RCAN2: variants seen among roughly 807,000 people sequenced by gnomAD.
The protein encoded by RCAN2 is calcipressin-2.
RCAN2 carries 9 observed loss-of-function variants against 23.6 expected under a neutral mutation model. The ratio of observed to expected loss-of-function variants is 0.38; its 90% CI spans 0.23 to 0.67. The LOEUF is 0.67. RCAN2 is among the 30% of genes least tolerant of loss of function. The probability of loss-of-function intolerance (pLI) is 0.51; values close to 1 mark genes in which losing one functional copy is unlikely to be tolerated. For synonymous variants in RCAN2, 109 were observed against 115.7 expected, an observed-to-expected ratio of 0.94 and a Z score of 0.37; for missense variants, 273 against 302.3, an observed-to-expected ratio of 0.90 and a Z score of 0.72.
At chr6:46,431,426 G>T (rs989624581) in intron 2 of RCAN2, among the ~76,000 whole-genome samples, 3 of 152,050 alleles carry the variant, frequency 2.0e-5, no homozygotes, top group Non-Finnish European at 2.9e-5. Context: ...ACATGGCAAG[G>T]TCATTATCTA....
chr6:46,350,174 CA>C (rs2150377724), intron 2 of RCAN2, among the ~76,000 whole-genome samples: 1 of 152,280 alleles, frequency 6.6e-6, no homozygotes, highest in South Asian at 2.1e-4. Flanking sequence ...CCAGCAACTA[CA>C]AAAAATTATG....
At chr6:46,361,396 T>TAAA (rs375271013) in intron 2 of RCAN2, among the ~76,000 whole-genome samples, 160 of 152,208 alleles carry the variant, frequency 1.1e-3, no homozygotes, top group African/African-American at 3.7e-3. Flanking sequence ...AGGGGAAAGG[T>TAAA]AAAACATTCA....
chr6:46,405,736 G>C (rs1213747000), intron 2 of RCAN2, among the ~76,000 whole-genome samples: 2 of 152,190 alleles, frequency 1.3e-5, no homozygotes, highest in African/African-American at 4.8e-5. Context: ...TGCAGGTGGA[G>C]CTGCCTGCCA....
chr6:46,321,202 C>A (rs1561857957), intron 2 of RCAN2, among the ~76,000 whole-genome samples: 1 of 152,216 alleles, frequency 6.6e-6, no homozygotes, highest in Non-Finnish European at 1.5e-5. Context: ...GGCCATTCCT[C>A]CCCCATCAAT....
chr6:46,380,639 C>T (rs1259918276), intron 2 of RCAN2, among the ~76,000 whole-genome samples: 1 of 152,204 alleles, frequency 6.6e-6, no homozygotes, highest in Non-Finnish European at 1.5e-5. Context: ...TTAAGAACCA[C>T]TCCTGGAGGA....
At chr6:46,255,411 T>C (rs1766873925) in intron 2 of RCAN2, among the ~76,000 whole-genome samples, 1 of 152,170 alleles carries the variant, frequency 6.6e-6, no homozygotes, top group Non-Finnish European at 1.5e-5. Context: ...TGGGAAGATG[T>C]GAGACTTCAA....
chr6:46,257,968 A>G (rs1422453378), intron 2 of RCAN2, among the ~76,000 whole-genome samples: 1 of 152,238 alleles, frequency 6.6e-6, no homozygotes, highest in Non-Finnish European at 1.5e-5. Flanking sequence ...AGAAACAGCT[A>G]CTAGGGAAGT....
chr6:46,460,081 A>G (rs2150434877), intron 1 of RCAN2, among the ~76,000 whole-genome samples: 1 of 151,318 alleles, frequency 6.6e-6, no homozygotes. Flanking sequence ...TTTTTCAGAG[A>G]GGGTCTTGCT....
intron 1 of RCAN2, among the ~76,000 whole-genome samples, chr6:46,483,875 T>A (rs1036421054): frequency 6.6e-6 from 1 of 152,246 alleles, no homozygotes; most frequent in African/African-American, 2.4e-5. Context: ...TAGTTTTCAC[T>A]TGTCAAGGCT....
intron 2 of RCAN2, among the ~76,000 whole-genome samples, chr6:46,382,975 A>G (rs1765648347): frequency 6.6e-6 from 1 of 152,188 alleles, no homozygotes; most frequent in Non-Finnish European, 1.5e-5. Context: ...ATTATACACA[A>G]TATTTGGTGC....
At chr6:46,336,597 G>A (rs1764152962) in intron 2 of RCAN2, among the ~76,000 whole-genome samples, 1 of 152,220 alleles carries the variant, frequency 6.6e-6, no homozygotes, top group Non-Finnish European at 1.5e-5. Flanking sequence ...GGCATGATGG[G>A]TTACAATAAG....
intron 2 of RCAN2, among the ~76,000 whole-genome samples, chr6:46,365,478 A>G (rs1561876351): frequency 6.9e-6 from 1 of 145,704 alleles, no homozygotes; most frequent in African/African-American, 2.5e-5. Flanking sequence ...CTCCATCTCA[A>G]AAAAGAAAAG....
Position 46,263,543 on chromosome 6 carries a change from G to A in RCAN2, c.226-14647C>T, listed in dbSNP as rs367973966. ...TGTATGTGTGTGTGTGTGTGTATGT[G>A]TGTGTGTGTGTGTGTGTATGTGTGT... On this transcript the variant is annotated intron_variant, in intron 2 of 4. Transcript: ENST00000371374. Among the ~76,000 whole-genome samples, 889 of 123,990 alleles carry A rather than the reference G, an allele frequency of 7.2e-3. 12 individuals carry two copies. The highest frequency in any genetic ancestry group is 0.024 in the Middle Eastern group (6 of 252). The allele number at this position is 123,990 out of a possible 152,430, so 81.3% of individuals were successfully genotyped here.
intron 2 of RCAN2, among the ~76,000 whole-genome samples, chr6:46,332,688 T>A (rs1764016770): frequency 6.6e-6 from 1 of 152,192 alleles, no homozygotes; most frequent in Non-Finnish European, 1.5e-5. Flanking sequence ...TGTGCCACAT[T>A]TCCTTAATCC....
At chr6:46,473,649 C>T (rs73735764) in intron 1 of RCAN2, among the ~76,000 whole-genome samples, 12,258 of 152,154 alleles carry the variant, frequency 0.081, 754 homozygotes, top group Admixed American at 0.18. Context: ...GAAAACTATG[C>T]ATTATCCAAA....
At chr6:46,322,551 G>C (rs1020364332) in intron 2 of RCAN2, among the ~76,000 whole-genome samples, 2 of 152,204 alleles carry the variant, frequency 1.3e-5, no homozygotes, top group Admixed American at 6.5e-5. Context: ...ATTTGTGGAT[G>C]CTTCTACCCA....
chr6:46,434,959 T>C (rs1287869270), intron 2 of RCAN2, among the ~76,000 whole-genome samples: 1 of 152,230 alleles, frequency 6.6e-6, no homozygotes, highest in Non-Finnish European at 1.5e-5. Flanking sequence ...AATGAGATTG[T>C]GCCATGAGAA....
intron 4 of RCAN2, among the ~76,000 whole-genome samples, chr6:46,238,216 G>A (rs918116867): frequency 6.6e-6 from 1 of 152,144 alleles, no homozygotes; most frequent in Non-Finnish European, 1.5e-5. Flanking sequence ...AAAGCTGGGA[G>A]GCAGGGGCTG....
intron 4 of RCAN2, among the ~76,000 whole-genome samples, chr6:46,226,707 A>G (rs1258946095): frequency 1.3e-5 from 2 of 152,120 alleles, no homozygotes; most frequent in African/African-American, 4.8e-5. Context: ...GGGTTTTCTA[A>G]ATATACAATC....
Sources: gnomAD v4.1 joint callset for allele counts (sites outside exome capture counted in the v4.1 genomes callset) on GRCh38, gnomAD v4.1.1 for gene constraint, MANE v1.5 for transcripts, NCBI Gene and HGNC (gene_info 2026-07-23, HGNC 2026-07-21) for gene names.